Variants in MYCBP2 observed in about 807,000 individuals in gnomAD.
MYCBP2 encodes MYC binding protein 2, also known as E3 ubiquitin-protein ligase MYCBP2.
In MYCBP2, 120 loss-of-function variants were observed where a neutral mutation model predicts 525.3. That is an observed-to-expected ratio of 0.23 (90% CI 0.20 to 0.27). MYCBP2 has a LOEUF of 0.27. Among genes scored for constraint, MYCBP2 ranks in the 10% least tolerant of loss-of-function variants. The pLI is 1.00. For synonymous variants in MYCBP2, 1,894 were observed against 1,955.8 expected, an observed-to-expected ratio of 0.97 and a Z score of 0.83; for missense variants, 4,149 against 5,657.1, an observed-to-expected ratio of 0.73 and a Z score of 8.55.
At chr13:77,071,271 G>GCACACA (rs71814048) in intron 68 of MYCBP2, among the ~76,000 whole-genome samples, 19,437 of 142,558 alleles carry the variant, frequency 0.14, 1,358 homozygotes, top group Non-Finnish European at 0.17. Flanking sequence ...GTGTGCACAC[G>GCACACA]CACACACACA....
chr13:77,270,225 G>C, intron 6 of MYCBP2, 71 bp downstream of exon 6: 1 of 1,510,414 alleles, frequency 6.6e-7, no homozygotes, highest in Non-Finnish European at 8.9e-7. Context: ...AATGAAACTA[G>C]AAACACACAG....
chr13:77,275,521 CT>C (rs1414005001), intron 4 of MYCBP2, among the ~76,000 whole-genome samples: 13 of 152,160 alleles, frequency 8.5e-5, no homozygotes, highest in African/African-American at 3.1e-4. Context: ...TTCAGGGAGC[CT>C]GTTAAAGACT....
In MYCBP2 at chr13:77,176,637, A is replaced by G; in HGVS notation, c.5341-9T>C. On this transcript the variant is annotated splice_polypyrimidine_tract_variant and intron_variant, in intron 35 of 82. Transcript: ENST00000544440. The stretch of plus-strand genomic sequence containing the variant: ...TCTCCTGCATGTTCACTCTAAAAAA[A>G]AAAAATGAAACACAAAAATTCCAAC... 1 of 1,491,510 alleles carries G rather than the reference A, an allele frequency of 6.7e-7. No individual in the cohort carries two copies. The highest frequency in any genetic ancestry group is 9.0e-7 in the Non-Finnish European group (1 of 1,115,748). 92.4% of individuals were successfully genotyped at this position (1,491,510 alleles called of 1,614,324 possible).
intron 54 of MYCBP2, among the ~76,000 whole-genome samples, chr13:77,124,147 A>C (rs900717879): frequency 6.6e-6 from 1 of 152,174 alleles, no homozygotes; most frequent in Non-Finnish European, 1.5e-5. Context: ...ACACGAATGA[A>C]GATTCTGGCT....
intron 2 of MYCBP2, among the ~76,000 whole-genome samples, chr13:77,295,049 G>A (rs545002108): frequency 6.6e-6 from 1 of 152,204 alleles, no homozygotes; most frequent in African/African-American, 2.4e-5. Context: ...TGGAGCTACT[G>A]GCAGCCTCAG....
chr13:77,152,853 C>G (rs939525582), intron 46 of MYCBP2, among the ~76,000 whole-genome samples: 2 of 152,054 alleles, frequency 1.3e-5, no homozygotes, highest in Admixed American at 6.5e-5. Context: ...ATCACAAGGT[C>G]AGGAGATCGA....
chr13:77,111,921 C>A lies in MYCBP2; in HGVS notation c.8140+9452G>T, dbSNP rs185153281. 4.3e-4 allele frequency among the ~76,000 whole-genome samples: 65 copies of A among 152,272 alleles called. 2 individuals are homozygous for A. The South Asian group carries it at 0.013, about 32-fold the overall frequency. ...TATGGCTTACAAGACCCTTCATGAT[C>A]CAGCCCCAACCTCTCTAGTCTAAGA... On this transcript the variant is annotated intron_variant, in intron 55 of 82. Coordinates refer to ENST00000544440, the MANE Select transcript of MYCBP2 (RefSeq NM_015057.5).
chr13:77,248,186 A>G lies in MYCBP2; in HGVS notation c.2381+2965T>C, dbSNP rs191866883. On this transcript the variant is annotated intron_variant, in intron 15 of 82. Transcript: ENST00000544440. The stretch of plus-strand genomic sequence containing the variant: ...AGAAAAGATAACAGTAACCCTTCAC[A>G]ACACTAGATTGGGAAATAATTTCTT... 1.7e-3 allele frequency among the ~76,000 whole-genome samples: 251 copies of G among 151,940 alleles called. 4 individuals carry two copies. The highest frequency in any genetic ancestry group is 5.4e-3 in the African/African-American group (223 of 41,492).
intron 46 of MYCBP2, among the ~76,000 whole-genome samples, chr13:77,154,680 C>G (rs1043768554): frequency 6.6e-6 from 1 of 152,064 alleles, no homozygotes; most frequent in Non-Finnish European, 1.5e-5. Flanking sequence ...TAACAACTCA[C>G]TACATTGAGA....
At chr13:77,313,801 ACTCTAAC>A (rs1436389875) in intron 1 of MYCBP2, among the ~76,000 whole-genome samples, 1 of 152,026 alleles carries the variant, frequency 6.6e-6, no homozygotes, top group Non-Finnish European at 1.5e-5. Context: ...AACTCTCAAA[ACTCTAAC>A]AATAAGAAAA....
intron 80 of MYCBP2, 117 bp from the exon 81 acceptor site, chr13:77,052,035 T>C: frequency 1.4e-6 from 1 of 730,696 alleles, no homozygotes; most frequent in Non-Finnish European, 2.3e-6. Context: ...CATTATCTAC[T>C]AGACCATCCC....
At chr13:77,291,743 C>T (rs548339623) in intron 2 of MYCBP2, among the ~76,000 whole-genome samples, 15 of 148,920 alleles carry the variant, frequency 1.0e-4, no homozygotes, top group African/African-American at 2.2e-4. Flanking sequence ...CTCTAACCTG[C>T]GGAACAAGAG....
intron 55 of MYCBP2, among the ~76,000 whole-genome samples, chr13:77,116,772 C>T (rs941685464): frequency 5.9e-5 from 9 of 151,630 alleles, no homozygotes; most frequent in African/African-American, 2.2e-4. Context: ...ACTGTTATTC[C>T]CTGGAAGAGA....
chr13:77,209,269 A>C (rs2063702275), intron 23 of MYCBP2, among the ~76,000 whole-genome samples: 1 of 152,196 alleles, frequency 6.6e-6, no homozygotes, highest in African/African-American at 2.4e-5. Context: ...TTAAGACCCC[A>C]CGGAAATGGT....
intron 17 of MYCBP2, among the ~76,000 whole-genome samples, chr13:77,236,556 A>G (rs1368452496): frequency 6.6e-6 from 1 of 152,222 alleles, no homozygotes; most frequent in Admixed American, 6.5e-5. Context: ...TTTATTCATT[A>G]TAGCAACATT....
intron 1 of MYCBP2, among the ~76,000 whole-genome samples, chr13:77,315,905 A>C (rs2080882495): frequency 6.6e-6 from 1 of 151,280 alleles, no homozygotes; most frequent in Non-Finnish European, 1.5e-5. Context: ...AAAAAAAAAA[A>C]AAAAAAAAAT....
chr13:77,151,163 C>T (rs73241403), intron 46 of MYCBP2, among the ~76,000 whole-genome samples: 3,375 of 152,144 alleles, frequency 0.022, 56 homozygotes, highest in Middle Eastern at 0.075. Context: ...AAAAACAAGG[C>T]CTCATAGTTT....
At chr13:77,123,631 T>C (rs1257746379) in intron 54 of MYCBP2, among the ~76,000 whole-genome samples, 1 of 152,204 alleles carries the variant, frequency 6.6e-6, no homozygotes, top group Non-Finnish European at 1.5e-5. Context: ...TTAGGTTAAC[T>C]TGGTCAAGGT....
intron 1 of MYCBP2, among the ~76,000 whole-genome samples, chr13:77,324,428 G>A (rs1016652932): frequency 5.3e-5 from 8 of 152,140 alleles, no homozygotes; most frequent in South Asian, 2.1e-4. Context: ...ATTCAGAGCC[G>A]AAACCCCAAG....
Sources: allele counts gnomAD v4.1 joint callset (sites outside exome capture counted in the v4.1 genomes callset), GRCh38; gene constraint gnomAD v4.1.1; transcripts MANE v1.5; gene names NCBI Gene and HGNC (gene_info 2026-07-23, HGNC 2026-07-21).